POFUT3: variants seen among roughly 807,000 people sequenced by gnomAD.
POFUT3 encodes the protein GDP-fucose protein O-fucosyltransferase 3.
At chr8:33,400,059 T>C in the POFUT3 span, among the ~76,000 whole-genome samples, 1 of 150,522 alleles carries the variant, frequency 6.6e-6, no homozygotes, top group African/African-American at 2.4e-5. Flanking sequence ...ATGGGAAAAG[T>C]AAGTCTTCTT....
At chr8:33,449,224 C>T in the POFUT3 span, among the ~76,000 whole-genome samples, 40 of 146,388 alleles carry the variant, frequency 2.7e-4, no homozygotes, top group East Asian at 7.9e-3. Context: ...AGAAGAAGGG[C>T]TTTATCTGAT....
At chr8:33,397,556 CAG>C in the POFUT3 span, among the ~76,000 whole-genome samples, 551 of 152,288 alleles carry the variant, frequency 3.6e-3, 4 homozygotes, top group African/African-American at 0.012. Context: ...CTCAGGGAAA[CAG>C]GGGCTGAGAC....
At chr8:33,324,697 T>C in the POFUT3 span, among the ~76,000 whole-genome samples, 1 of 151,884 alleles carries the variant, frequency 6.6e-6, no homozygotes, top group Admixed American at 6.6e-5. Context: ...ATGTTGGCTA[T>C]TATTATTATT....
At chr8:33,388,947 C>A in the POFUT3 span, 1 of 1,606,032 alleles carries the variant, frequency 6.2e-7, no homozygotes, top group Non-Finnish European at 8.5e-7. Flanking sequence ...TCTATGCCCA[C>A]CTTTGATTTG....
the POFUT3 span, among the ~76,000 whole-genome samples, chr8:33,379,967 C>T: frequency 1.0e-5 from 1 of 99,378 alleles, no homozygotes; most frequent in Non-Finnish European, 1.9e-5. Context: ...TATATATACA[C>T]TATATATACA....
At chr8:33,346,805 C>T in the POFUT3 span, among the ~76,000 whole-genome samples, 1 of 151,996 alleles carries the variant, frequency 6.6e-6, no homozygotes, top group Non-Finnish European at 1.5e-5. Flanking sequence ...TGGGCTTATT[C>T]TAAGGCATCA....
the POFUT3 span, among the ~76,000 whole-genome samples, chr8:33,362,849 T>C: frequency 6.6e-6 from 1 of 152,068 alleles, no homozygotes; most frequent in African/African-American, 2.4e-5. Flanking sequence ...ACTCTCAATA[T>C]TAGACAGATC....
the POFUT3 span, among the ~76,000 whole-genome samples, chr8:33,419,453 A>G: frequency 6.6e-6 from 1 of 152,204 alleles, no homozygotes. Context: ...GCATGACAAT[A>G]GGGTTCATGC....
At chr8:33,404,717 A>G in the POFUT3 span, among the ~76,000 whole-genome samples, 5,349 of 152,270 alleles carry the variant, frequency 0.035, 129 homozygotes, top group East Asian at 0.096. Context: ...TGTTAAAAAA[A>G]AAAAGAAAAG....
chr8:33,406,998 C>T, the POFUT3 span, among the ~76,000 whole-genome samples: 1 of 152,112 alleles, frequency 6.6e-6, no homozygotes, highest in Non-Finnish European at 1.5e-5. Flanking sequence ...CCTCACAAAC[C>T]TTGTATAATA....
the POFUT3 span, among the ~76,000 whole-genome samples, chr8:33,349,121 TC>T: frequency 9.9e-5 from 15 of 152,230 alleles, no homozygotes; most frequent in South Asian, 3.1e-3. Flanking sequence ...AAGGAGTAGT[TC>T]CGTGTCAAGG....
chr8:33,416,083 G>A, the POFUT3 span, among the ~76,000 whole-genome samples: 1 of 152,228 alleles, frequency 6.6e-6, no homozygotes, highest in East Asian at 1.9e-4. Flanking sequence ...TTGCATTATT[G>A]CATCCAGAAA....
At chr8:33,363,359 A>G in the POFUT3 span, among the ~76,000 whole-genome samples, 2 of 152,226 alleles carry the variant, frequency 1.3e-5, no homozygotes, top group Non-Finnish European at 2.9e-5. Context: ...AATTAAAACA[A>G]CTAGAGAAGC....
the POFUT3 span, among the ~76,000 whole-genome samples, chr8:33,364,071 C>T: frequency 1.7e-3 from 257 of 152,294 alleles, 2 homozygotes; most frequent in African/African-American, 6.0e-3. Flanking sequence ...GCTTATCCAC[C>T]ATGATCAAGT....
the POFUT3 span, among the ~76,000 whole-genome samples, chr8:33,405,131 C>T: frequency 4.5e-4 from 68 of 151,990 alleles, 1 homozygote; most frequent in African/African-American, 1.5e-3. Flanking sequence ...TGTTTAGCTC[C>T]CCACCAGACC....
At chr8:33,315,680 T>C in the POFUT3 span, among the ~76,000 whole-genome samples, 1 of 152,140 alleles carries the variant, frequency 6.6e-6, no homozygotes, top group Non-Finnish European at 1.5e-5. Context: ...TTTTATTGCT[T>C]GTTCCAGCTG....
the POFUT3 span, among the ~76,000 whole-genome samples, chr8:33,355,705 T>C: frequency 6.6e-6 from 1 of 152,138 alleles, no homozygotes; most frequent in Non-Finnish European, 1.5e-5. Flanking sequence ...AGTTTTAGGG[T>C]ACATGTGCAC....
the POFUT3 span, among the ~76,000 whole-genome samples, chr8:33,432,723 T>C: frequency 6.6e-6 from 1 of 152,214 alleles, no homozygotes; most frequent in Non-Finnish European, 1.5e-5. Context: ...CTAAACATTA[T>C]AGTGCTAGAA....
At chr8:33,384,328 T>G in the POFUT3 span, among the ~76,000 whole-genome samples, 1 of 152,224 alleles carries the variant, frequency 6.6e-6, no homozygotes, top group African/African-American at 2.4e-5. Context: ...CAATGATCAA[T>G]GCTAAAGCTT....
Sources: allele counts gnomAD v4.1 joint callset (sites outside exome capture counted in the v4.1 genomes callset), GRCh38; gene constraint gnomAD v4.1.1; transcripts MANE v1.5; gene names NCBI Gene and HGNC (gene_info 2026-07-23, HGNC 2026-07-21).